The following DLEC1 variants were observed in gnomAD, a reference collection of about 807,000 sequenced individuals.
DLEC1 encodes the protein deleted in lung and esophageal cancer protein 1.
A neutral mutation model predicts 198.1 loss-of-function variants in DLEC1; 146 were observed. The ratio of observed to expected loss-of-function variants is 0.74; its 90% confidence interval spans 0.64 to 0.85. DLEC1 has a LOEUF of 0.85. Among genes scored for constraint, DLEC1 ranks in the 40% least tolerant of loss-of-function variants. The probability of loss-of-function intolerance (pLI) is 0.00; values close to 1 mark genes in which losing one functional copy is unlikely to be tolerated. For synonymous variants in DLEC1, 897 were observed against 866.8 expected (o/e 1.03, Z -0.61); for missense variants, 2,233 against 2,220.0 (o/e 1.01, Z -0.12).
chr3:38,120,694 G>A, intron 34 of DLEC1, 85 bp downstream of exon 34: 1 of 1,554,694 alleles, frequency 6.4e-7, no homozygotes, highest in South Asian at 1.2e-5. Context: ...GAAAGACCTA[G>A]CAGGGCCCTC....
chr3:38,084,016 A>T (rs776029307), intron 6 of DLEC1, 142 bp from the exon 7 acceptor site: 7 of 673,856 alleles, frequency 1.0e-5, no homozygotes, highest in Non-Finnish European at 1.7e-5. Context: ...CCCCTCAGCC[A>T]GCTTCGACAG....
intron 19 of DLEC1, among the ~76,000 whole-genome samples, chr3:38,101,248 G>T (rs189270344): frequency 6.6e-6 from 1 of 152,130 alleles, no homozygotes; most frequent in Non-Finnish European, 1.5e-5. Flanking sequence ...ACGAGGTCAG[G>T]AGTTCGAGAT....
At chr3:38,094,058 A>G (rs921814208) in intron 12 of DLEC1, among the ~76,000 whole-genome samples, 1 of 152,158 alleles carries the variant, frequency 6.6e-6, no homozygotes, top group Non-Finnish European at 1.5e-5. Context: ...GATCTGTAAG[A>G]TCTCCATCCC....
intron 2 of DLEC1, among the ~76,000 whole-genome samples, chr3:38,046,838 G>A (rs1700908309): frequency 7.5e-6 from 1 of 134,034 alleles, no homozygotes; most frequent in Non-Finnish European, 1.6e-5. Flanking sequence ...CAATTGTCAT[G>A]TCTCTTTTTG....
At chr3:38,109,696 A>G (rs1357762287) in intron 22 of DLEC1, 134 bp downstream of exon 22, 1 of 1,448,496 alleles carries the variant, frequency 6.9e-7, no homozygotes, top group African/African-American at 1.4e-5. Flanking sequence ...CCACAGTGTT[A>G]TTGCGGCCAC....
At chr3:38,109,672 C>T in intron 22 of DLEC1, 110 bp downstream of exon 22, 1 of 1,550,070 alleles carries the variant, frequency 6.5e-7, no homozygotes, top group Non-Finnish European at 8.7e-7. Flanking sequence ...CTGATTCCTG[C>T]AGGCAGGAAA....
At position 38,114,479 on chromosome 3, in the gene DLEC1, G is replaced by T; in HGVS notation, c.3785+19G>T. On this transcript the variant is annotated intron_variant, in intron 26 of 36. Coordinates refer to ENST00000308059, the MANE Select transcript of DLEC1 (RefSeq NM_007335.4). Reference sequence around the variant, plus strand: ...CCATGAGGTGCTCCATGCTCAGCCTGAGCCTCTGCTCCCTGGTAGCCCCTG... The same window carrying T: ...CCATGAGGTGCTCCATGCTCAGCCTTAGCCTCTGCTCCCTGGTAGCCCCTG... 6.2e-7 allele frequency: 1 copy of T among 1,611,528 alleles called. No homozygotes were observed. The highest frequency in any genetic ancestry group is 8.5e-7 in the Non-Finnish European group (1 of 1,177,652).
intron 1 of DLEC1, 70 bp from the exon 2 acceptor site, chr3:38,045,473 G>A (rs956394926): frequency 6.5e-7 from 1 of 1,547,352 alleles, no homozygotes; most frequent in Non-Finnish European, 8.7e-7. Flanking sequence ...CCTGGGGTAG[G>A]GCTGAGTAAA....
intron 3 of DLEC1, among the ~76,000 whole-genome samples, chr3:38,061,711 A>C (rs1357192888): frequency 6.6e-6 from 1 of 152,176 alleles, no homozygotes; most frequent in Non-Finnish European, 1.5e-5. Context: ...TTTGTTGCCC[A>C]GGCTGGAGTG....
Position 38,097,201 on chromosome 3 carries a change from C to G in DLEC1, c.2360C>G (p.Ser787Ter). ...TTTCAGATGTGGAACAACAGCAAGT[C>G]ACCCATCAGATACCTGTGGGGGAAG... ...KAFKMWNNSKSPIRYLWGKIS... is the reference protein window; with the variant it reads ...KAFKMWNNSK Residue 787 changes from serine to a stop codon, truncating the protein, a stop_gained, in exon 16 of 37, where the codon TCA (serine) becomes TGA (stop). Transcript: ENST00000308059. LOFTEE classifies it high-confidence loss of function. 6.3e-7 allele frequency: 1 copy of G among 1,579,552 alleles called. No individual in the cohort carries two copies.
chr3:38,116,488 G>C lies in DLEC1; in HGVS notation c.3892G>C (p.Asp1298His), dbSNP rs1167711698. The change falls in exon 28 of 37, where the codon GAC becomes CAC. Residue 1298 changes from aspartate (D) to histidine (H), a missense_variant. Transcript: ENST00000308059. The stretch of plus-strand genomic sequence containing the variant: ...GGATTGGGAGACCTATGTTCCAGAA[G>C]ACAAGGAAGACCGGCTGGTGGAGCT... Reference protein sequence around the residue: ...RLDWETYVPEDKEDRLVELLV... With the variant: ...RLDWETYVPEHKEDRLVELLV... 3 of 1,614,012 alleles carry C rather than the reference G, an allele frequency of 1.9e-6. No homozygotes were observed. Among genetic ancestry groups the C allele is most frequent in the African/African-American group, 2.7e-5 (2 of 74,920 alleles).
chr3:38,064,009 T>A, intron 6 of DLEC1, 90 bp downstream of exon 6: 2 of 660,332 alleles, frequency 3.0e-6, no homozygotes, highest in Non-Finnish European at 4.7e-6. Context: ...TTTTTTTTCT[T>A]TTTTTTTTTT....
At chr3:38,106,593 T>C (rs1699578250) in intron 19 of DLEC1, among the ~76,000 whole-genome samples, 1 of 151,930 alleles carries the variant, frequency 6.6e-6, no homozygotes, top group Admixed American at 6.6e-5. Flanking sequence ...TCATCTCTAC[T>C]AAAAATACAA....
At chr3:38,108,178 T>C (rs928810997) in intron 20 of DLEC1, among the ~76,000 whole-genome samples, 7 of 152,178 alleles carry the variant, frequency 4.6e-5, no homozygotes, top group African/African-American at 1.7e-4. Flanking sequence ...GTTTCTTTTG[T>C]CCAGATAACC....
At chr3:38,054,116 G>C (rs1696215443) in intron 2 of DLEC1, among the ~76,000 whole-genome samples, 1 of 151,982 alleles carries the variant, frequency 6.6e-6, no homozygotes, top group South Asian at 2.1e-4. Flanking sequence ...TTGTTTATCT[G>C]CTGACCTTCC....
At position 38,064,917 on chromosome 3, in the gene DLEC1, C is replaced by T. The variant is rs534114337; in HGVS notation, c.1173+998C>T. Among the ~76,000 whole-genome samples, 8 of 152,062 alleles carry T rather than the reference C, an allele frequency of 5.3e-5. No homozygotes were observed. In the East Asian group the frequency reaches 1.6e-3, roughly 29 times the overall value. On this transcript the variant is annotated intron_variant, in intron 6 of 36. Transcript: ENST00000308059. Reference sequence around the variant, plus strand: ...CGATGGGCGGCCAGGCAGAGACGCTCCTCACTTCCTAGATGGGGTGGCGGC... The same window carrying T: ...CGATGGGCGGCCAGGCAGAGACGCTTCTCACTTCCTAGATGGGGTGGCGGC...
chr3:38,093,531 G>C, intron 11 of DLEC1, 74 bp from the exon 12 acceptor site: 1 of 1,564,856 alleles, frequency 6.4e-7, no homozygotes, highest in Non-Finnish European at 8.7e-7. Context: ...ATGGCGGCAT[G>C]GGTCCTGCAG....
intron 19 of DLEC1, among the ~76,000 whole-genome samples, chr3:38,100,654 T>C (rs1050587804): frequency 2.0e-5 from 3 of 152,188 alleles, no homozygotes; most frequent in Admixed American, 6.5e-5. Flanking sequence ...CTAGGGTGTG[T>C]GTATTAAAGA....
intron 6 of DLEC1, among the ~76,000 whole-genome samples, chr3:38,079,825 C>T (rs1250528833): frequency 2.0e-5 from 3 of 152,138 alleles, no homozygotes; most frequent in Non-Finnish European, 2.9e-5. Flanking sequence ...GGAGATGTGG[C>T]TGGGGTTTGT....
Sources: gnomAD v4.1 joint callset for allele counts (sites outside exome capture counted in the v4.1 genomes callset) on GRCh38, gnomAD v4.1.1 for gene constraint, MANE v1.5 for transcripts, NCBI Gene and HGNC (gene_info 2026-07-23, HGNC 2026-07-21) for gene names.